The following ZDHHC20 variants were observed in gnomAD, a reference collection of about 807,000 sequenced individuals.
The protein encoded by ZDHHC20 is zDHHC palmitoyltransferase 20.
Under a neutral mutation model 57.8 loss-of-function variants are expected in ZDHHC20, and 43 were observed. That is an observed-to-expected ratio of 0.74 (90% CI 0.58 to 0.96). The LOEUF (loss-of-function observed/expected upper bound fraction) is 0.96. ZDHHC20 is among the 40% of genes least tolerant of loss of function. The pLI is 0.00. For missense variants in ZDHHC20, 391 were observed against 441.1 expected (o/e 0.89, Z 1.02); for synonymous variants, 157 against 153.0 (o/e 1.03, Z -0.19).
intron 1 of ZDHHC20, among the ~76,000 whole-genome samples, chr13:21,433,559 G>C (rs1475690639): frequency 6.6e-6 from 1 of 150,972 alleles, no homozygotes; most frequent in Non-Finnish European, 1.5e-5. Flanking sequence ...GGAGCTTGCA[G>C]TGAGCCGAGA....
At chr13:21,445,823 G>A (rs1220289205) in intron 1 of ZDHHC20, among the ~76,000 whole-genome samples, 1 of 152,182 alleles carries the variant, frequency 6.6e-6, no homozygotes, top group Non-Finnish European at 1.5e-5. Flanking sequence ...CTATGAGGGG[G>A]GAAAAATGCA....
chr13:21,440,531 A>C (rs1883031924), intron 1 of ZDHHC20, among the ~76,000 whole-genome samples: 1 of 152,080 alleles, frequency 6.6e-6, no homozygotes, highest in Non-Finnish European at 1.5e-5. Context: ...GAATCACTTC[A>C]ATCCGGGAGG....
chr13:21,381,132 G>A (rs1593169605), intron 11 of ZDHHC20, among the ~76,000 whole-genome samples: 1 of 151,802 alleles, frequency 6.6e-6, no homozygotes, highest in Non-Finnish European at 1.5e-5. Flanking sequence ...TCAGTCTCCT[G>A]AGTAGCTGGG....
At chr13:21,384,257 T>C (rs1217086021) in intron 9 of ZDHHC20, among the ~76,000 whole-genome samples, 1 of 151,552 alleles carries the variant, frequency 6.6e-6, no homozygotes, top group African/African-American at 2.4e-5. Flanking sequence ...CTGGCCAACA[T>C]GGTGAAATGC....
At chr13:21,438,460 C>T (rs749783555) in intron 1 of ZDHHC20, among the ~76,000 whole-genome samples, 8 of 152,126 alleles carry the variant, frequency 5.3e-5, no homozygotes, top group Non-Finnish European at 1.0e-4. Flanking sequence ...GTGGTGAAAA[C>T]AGCAAGAGAA....
intron 1 of ZDHHC20, among the ~76,000 whole-genome samples, chr13:21,441,009 T>C (rs1186763621): frequency 6.6e-6 from 1 of 152,216 alleles, no homozygotes; most frequent in Non-Finnish European, 1.5e-5. Context: ...ATAAGGCTTT[T>C]TGGTTTAAAA....
At chr13:21,394,163 T>C (rs540222848) in intron 7 of ZDHHC20, among the ~76,000 whole-genome samples, 1 of 152,320 alleles carries the variant, frequency 6.6e-6, no homozygotes, top group African/African-American at 2.4e-5. Flanking sequence ...CCCTCTGTCA[T>C]TTTGGCCCCC....
chr13:21,457,885 C>T (rs1002431576), intron 1 of ZDHHC20, among the ~76,000 whole-genome samples: 7 of 152,198 alleles, frequency 4.6e-5, no homozygotes, highest in African/African-American at 1.7e-4. Context: ...GAACACTTAA[C>T]AGTCCTTCAT....
chr13:21,374,904 T>G lies in ZDHHC20; in HGVS notation c.*1792A>C, dbSNP rs2137588312. On this transcript the variant is annotated 3_prime_UTR_variant, in exon 13 of 13. Transcript: ENST00000400590. ...ATCCCAGCACTTTGGGAAGCTGAGG[T>G]GGGTGGATTATTTGAGGTCAGGAGT... The G allele has an allele frequency of 6.1e-6, 2 of 325,654 alleles. No individual in the cohort carries two copies. Among genetic ancestry groups the G allele is most frequent in the Non-Finnish European group, 6.0e-6 (1 of 166,824 alleles). 20.2% of individuals were successfully genotyped at this position (325,654 alleles called of 1,614,324 possible).
At position 21,383,474 on chromosome 13, in the gene ZDHHC20, C is replaced by T. The variant is rs372612874; in HGVS notation, c.855-465G>A. 1.8e-4 allele frequency among the ~76,000 whole-genome samples: 27 copies of T among 151,736 alleles called. 2 individuals carry two copies. The highest frequency in any genetic ancestry group is 1.7e-3 in the East Asian group (9 of 5,202). On this transcript the variant is annotated intron_variant, in intron 9 of 12. Coordinates refer to ENST00000400590, the MANE Select transcript of ZDHHC20 (RefSeq NM_001330059.2). ...AAACATCTTTCCTTTATAAATTACC[C>T]AGTTTCGGGTATGTCTTCATTAGCA...
In ZDHHC20 at chr13:21,373,871, G is replaced by T. The variant is rs76878010; in HGVS notation, c.*2825C>A. 3 of 152,234 alleles carry T rather than the reference G, an allele frequency of 2.0e-5. No homozygotes were observed. The highest frequency in any genetic ancestry group is 7.2e-5 in the African/African-American group (3 of 41,424). 9.4% of individuals were successfully genotyped at this position (152,234 alleles called of 1,614,324 possible). On this transcript the variant is annotated 3_prime_UTR_variant, in exon 13 of 13. Transcript: ENST00000400590. ...GGTCATTAATACGTATGAATCAGTT[G>T]AGCTAAATATTATTTAGAACGTGGC... is the stretch of plus-strand genomic sequence containing the variant.
In ZDHHC20 at chr13:21,454,993, T is replaced by G. The variant is rs566355404; in HGVS notation, c.118+4061A>C. Among the ~76,000 whole-genome samples, 127 of 152,308 alleles carry G rather than the reference T, an allele frequency of 8.3e-4. 1 individual carries two copies. The highest frequency in any genetic ancestry group is 2.9e-3 in the African/African-American group (122 of 41,574). On this transcript the variant is annotated intron_variant, in intron 1 of 12. Transcript: ENST00000400590. The stretch of plus-strand genomic sequence containing the variant: ...TGGAGTGCAGGGGTGCAATCTCTGC[T>G]CACTGCAAGCTCCGCCTCCCAGGTT...
intron 2 of ZDHHC20, among the ~76,000 whole-genome samples, chr13:21,424,955 T>C (rs1881088730): frequency 6.6e-6 from 1 of 152,206 alleles, no homozygotes; most frequent in Admixed American, 6.5e-5. Context: ...TAATGCCTAA[T>C]TGTCTCCAGT....
intron 1 of ZDHHC20, among the ~76,000 whole-genome samples, chr13:21,434,637 G>C (rs9509703): frequency 0.17 from 26,372 of 152,176 alleles, 2,753 homozygotes; most frequent in Non-Finnish European, 0.25. Context: ...GTGATTTGGA[G>C]TGACTCAAAA....
chr13:21,410,719 C>T (rs1879087821), intron 4 of ZDHHC20, among the ~76,000 whole-genome samples: 1 of 152,196 alleles, frequency 6.6e-6, no homozygotes. Flanking sequence ...CCCCACCAAG[C>T]TCCAGCGTCC....
At chr13:21,449,716 C>T (rs1884261820) in intron 1 of ZDHHC20, among the ~76,000 whole-genome samples, 1 of 151,704 alleles carries the variant, frequency 6.6e-6, no homozygotes, top group Admixed American at 6.6e-5. Context: ...ATGATCTCAG[C>T]TCACTGCAAC....
chr13:21,418,543 T>C (rs889252737), intron 3 of ZDHHC20, among the ~76,000 whole-genome samples: 10 of 151,540 alleles, frequency 6.6e-5, no homozygotes, highest in Non-Finnish European at 1.3e-4. Context: ...TGGGTACTAG[T>C]ATCACCCTCA....
At position 21,376,529 on chromosome 13, in the gene ZDHHC20, C is replaced by T; in HGVS notation, c.*167G>A. ...TCTGGAGTAGTGCTTCTGTGAATCC[C>T]AGGAACTGTACAAAGGCTTTCCGTT... is the stretch of plus-strand genomic sequence containing the variant. On this transcript the variant is annotated 3_prime_UTR_variant, in exon 13 of 13. Coordinates refer to ENST00000400590, the MANE Select transcript of ZDHHC20 (RefSeq NM_001330059.2). The T allele has an allele frequency of 1.5e-6, 1 of 675,434 alleles. No homozygotes were observed. Among genetic ancestry groups the T allele is most frequent in the Non-Finnish European group, 2.3e-6 (1 of 443,770 alleles). The allele number at this position is 675,434 out of a possible 1,614,324, so 41.8% of individuals were successfully genotyped here.
intron 4 of ZDHHC20, among the ~76,000 whole-genome samples, chr13:21,411,799 AAT>A (rs1268271304): frequency 6.6e-6 from 1 of 152,228 alleles, no homozygotes; most frequent in Non-Finnish European, 1.5e-5. Flanking sequence ...TTCATTAACA[AAT>A]ATTTAGAGTT....
Sources: gnomAD v4.1 joint callset for allele counts (sites outside exome capture counted in the v4.1 genomes callset) on GRCh38, gnomAD v4.1.1 for gene constraint, MANE v1.5 for transcripts, NCBI Gene and HGNC (gene_info 2026-07-23, HGNC 2026-07-21) for gene names.